Variants in ALMS1 observed in about 807,000 individuals in gnomAD.
ALMS1 encodes centrosome-associated protein ALMS1.
ALMS1 carries 271 observed loss-of-function variants against 352.2 expected under a neutral mutation model. That is an observed-to-expected ratio of 0.77 (90% CI 0.70 to 0.85). The LOEUF is 0.85. Among genes scored for constraint, ALMS1 ranks in the 40% least tolerant of loss-of-function variants. ALMS1 has a pLI of 0.00. For missense variants in ALMS1, 5,445 were observed against 4,870.7 expected, an observed-to-expected ratio of 1.12 and a Z score of -3.51; for synonymous variants, 1,865 against 1,761.2, an observed-to-expected ratio of 1.06 and a Z score of -1.48.
chr2:73,428,400 T>G (rs959574311), intron 6 of ALMS1, among the ~76,000 whole-genome samples: 27 of 152,012 alleles, frequency 1.8e-4, no homozygotes, highest in African/African-American at 6.0e-4. Context: ...CTATTCTTGG[T>G]GAAACTAAGG....
intron 9 of ALMS1, among the ~76,000 whole-genome samples, chr2:73,487,966 G>A (rs970912781): frequency 3.3e-5 from 5 of 152,226 alleles, no homozygotes; most frequent in Admixed American, 3.3e-4. Context: ...GTCTGGCTGA[G>A]TCCAGGGTTT....
Position 73,506,534 on chromosome 2 carries a change from A to G in ALMS1, c.9540-13241A>G, listed in dbSNP as rs112862243. On this transcript the variant is annotated intron_variant, in intron 10 of 22. Coordinates refer to ENST00000613296, the MANE Select transcript of ALMS1 (RefSeq NM_001378454.1). ...TGAATGTTGTATTCCTAGGTATTTT[A>G]TTCTCTTTGTAGCAATTGTGAATGG... Among the ~76,000 whole-genome samples the G allele has an allele frequency of 2.4e-4, 36 of 152,130 alleles. No homozygotes were observed. The East Asian group carries it at 6.4e-3, about 27-fold the overall frequency.
At chr2:73,455,404 C>T in intron 9 of ALMS1, 109 bp downstream of exon 9, 1 of 1,452,140 alleles carries the variant, frequency 6.9e-7, no homozygotes. Flanking sequence ...TTGGCTAAAG[C>T]CTTTTTTGGT....
intron 16 of ALMS1, among the ~76,000 whole-genome samples, chr2:73,575,684 T>A (rs1573033286): frequency 6.6e-6 from 1 of 152,160 alleles, no homozygotes; most frequent in African/African-American, 2.4e-5. Context: ...ATTTTTTGGT[T>A]TTTGAGTTGT....
chr2:73,475,587 C>A (rs1305768369), intron 9 of ALMS1, among the ~76,000 whole-genome samples: 1 of 151,994 alleles, frequency 6.6e-6, no homozygotes, highest in Non-Finnish European at 1.5e-5. Context: ...TGTTGAGTTG[C>A]AAGCATTCTT....
At chr2:73,511,876 G>T (rs1368834828) in intron 10 of ALMS1, among the ~76,000 whole-genome samples, 1 of 152,116 alleles carries the variant, frequency 6.6e-6, no homozygotes, top group Non-Finnish European at 1.5e-5. Context: ...CAGTGCTGAG[G>T]TTGAGAAACT....
intron 10 of ALMS1, among the ~76,000 whole-genome samples, chr2:73,501,008 G>A (rs1315584441): frequency 6.6e-6 from 1 of 152,086 alleles, no homozygotes; most frequent in South Asian, 2.1e-4. Context: ...GGTATTAACA[G>A]TTATTTTTAA....
chr2:73,450,013 T>C lies in ALMS1; in HGVS notation c.3486T>C (p.Thr1162=). 3.7e-6 allele frequency: 6 copies of C among 1,613,860 alleles called. No homozygotes were observed. Among genetic ancestry groups the C allele is most frequent in the Non-Finnish European group, 5.1e-6 (6 of 1,179,920 alleles). The change falls in exon 8 of 23, where the codon ACT becomes ACC. Residue 1162 remains threonine (T), a synonymous_variant. Coordinates refer to ENST00000613296, the MANE Select transcript of ALMS1 (RefSeq NM_001378454.1). The part of the protein sequence containing the change: ...SIFHQQALPG[T]HIPEEAQKVS... ...TCCACCAGCAGGCCTTGCCAGGTAC[T>C]CATATACCTGAAGAGGCTCAGAAAG...
intron 4 of ALMS1, 126 bp from the exon 5 acceptor site, chr2:73,424,304 C>A: frequency 4.8e-6 from 3 of 629,942 alleles, no homozygotes; most frequent in Non-Finnish European, 7.5e-6. Context: ...ATTAGGAGAG[C>A]TGTGTTTTTC....
At chr2:73,406,438 T>G (rs1670974362) in intron 1 of ALMS1, among the ~76,000 whole-genome samples, 1 of 145,830 alleles carries the variant, frequency 6.9e-6, no homozygotes, top group South Asian at 2.2e-4. Context: ...TCCTATGGGT[T>G]TTTTTTTTTT....
In ALMS1 at chr2:73,434,018, A is replaced by C. The variant is rs1036671091; in HGVS notation, c.1432+1727A>C. On this transcript the variant is annotated intron_variant, in intron 7 of 22. Transcript: ENST00000613296. Reference sequence around the variant, plus strand: ...CTTTTGTTCTCCCTTTGGTGAATCTAGTTAAATTTTGTCAATTTTGCTGAT... The same window carrying C: ...CTTTTGTTCTCCCTTTGGTGAATCTCGTTAAATTTTGTCAATTTTGCTGAT... Among the ~76,000 whole-genome samples, 8 of 152,194 alleles carry C rather than the reference A, an allele frequency of 5.3e-5. No individual in the cohort carries two copies. The East Asian group carries it at 7.7e-4, about 15-fold the overall frequency.
chr2:73,393,572 C>G (rs936593129), intron 1 of ALMS1, among the ~76,000 whole-genome samples: 1 of 152,170 alleles, frequency 6.6e-6, no homozygotes. Context: ...ACTCCCCACC[C>G]TTCCAAGATT....
chr2:73,459,427 A>G (rs1365068636), intron 9 of ALMS1: 4 of 152,170 alleles, frequency 2.6e-5, no homozygotes, highest in Non-Finnish European at 4.4e-5. Flanking sequence ...TCTAGTGTTT[A>G]TACTTGCCTG....
intron 2 of ALMS1, among the ~76,000 whole-genome samples, chr2:73,417,139 G>A (rs1009715024): frequency 2.6e-5 from 4 of 151,932 alleles, no homozygotes; most frequent in African/African-American, 9.7e-5. Flanking sequence ...ACGTGGTAAA[G>A]AGAAAAACAA....
intron 10 of ALMS1, among the ~76,000 whole-genome samples, chr2:73,515,768 TACACACACACACACACAC>T (rs71406825): frequency 2.8e-5 from 4 of 141,480 alleles, no homozygotes; most frequent in Admixed American, 2.1e-4. Flanking sequence ...TCCACAGAAA[TACACACACACACACACAC>T]ACACACACAC....
intron 16 of ALMS1, among the ~76,000 whole-genome samples, chr2:73,583,752 A>G (rs1675249959): frequency 6.6e-6 from 1 of 152,086 alleles, no homozygotes; most frequent in Non-Finnish European, 1.5e-5. Flanking sequence ...TTTCCCACTG[A>G]GTGGTCTTGG....
intron 9 of ALMS1, among the ~76,000 whole-genome samples, chr2:73,467,074 T>C (rs562092948): frequency 6.6e-6 from 1 of 150,438 alleles, no homozygotes; most frequent in African/African-American, 2.5e-5. Context: ...CTCTTCATGA[T>C]GTTGGGTTAG....
intron 16 of ALMS1, among the ~76,000 whole-genome samples, chr2:73,597,246 T>A (rs11893881): frequency 0.34 from 51,461 of 152,090 alleles, 11,717 homozygotes; most frequent in African/African-American, 0.65. Context: ...AGAATGTAGA[T>A]ATACAATTGA....
intron 2 of ALMS1, among the ~76,000 whole-genome samples, chr2:73,411,879 A>G: frequency 6.6e-6 from 1 of 152,012 alleles, no homozygotes; most frequent in East Asian, 1.9e-4. Flanking sequence ...GTATGTAGTT[A>G]CTCATCCCAT....
Sources: allele counts gnomAD v4.1 joint callset (sites outside exome capture counted in the v4.1 genomes callset), GRCh38; gene constraint gnomAD v4.1.1; transcripts MANE v1.5; gene names NCBI Gene and HGNC (gene_info 2026-07-23, HGNC 2026-07-21).